The following PRKAA2 variants were observed in gnomAD, a reference collection of about 807,000 sequenced individuals.
The protein encoded by PRKAA2 is 5'-AMP-activated protein kinase catalytic subunit alpha-2.
PRKAA2 carries 40 observed loss-of-function variants against 56.3 expected under a neutral mutation model. That is an observed-to-expected ratio of 0.71 (90% CI 0.55 to 0.92). The LOEUF (loss-of-function observed/expected upper bound fraction) is 0.92. Ranked by LOEUF, PRKAA2 falls within the 40% of genes least tolerant of loss-of-function variation. The pLI is 0.00. For synonymous variants in PRKAA2, 214 were observed against 234.2 expected (o/e 0.91, Z 0.79); for missense variants, 542 against 686.9 (o/e 0.79, Z 2.36).
chr1:56,677,875 C>T (rs1473106371), intron 2 of PRKAA2, among the ~76,000 whole-genome samples: 2 of 152,072 alleles, frequency 1.3e-5, no homozygotes, highest in Non-Finnish European at 2.9e-5. Flanking sequence ...AGGCTGGTCT[C>T]GACCTCCTAA....
At chr1:56,691,372 CT>C in intron 2 of PRKAA2, 21 bp from the exon 3 acceptor site, 2 of 1,577,832 alleles carry the variant, frequency 1.3e-6, no homozygotes, top group Non-Finnish European at 1.7e-6. Flanking sequence ...ACTTTGTTAA[CT>C]TTTTTTAATT....
intron 1 of PRKAA2, among the ~76,000 whole-genome samples, chr1:56,664,112 A>G (rs1316294242): frequency 2.0e-5 from 3 of 152,044 alleles, no homozygotes; most frequent in Non-Finnish European, 4.4e-5. Flanking sequence ...CAAAACAAAA[A>G]ACTCTTCTTG....
At chr1:56,704,612 A>C in intron 7 of PRKAA2, 137 bp downstream of exon 7, 3 of 981,882 alleles carry the variant, frequency 3.1e-6, no homozygotes, top group Non-Finnish European at 4.3e-6. Flanking sequence ...AAAACAAATA[A>C]CCTCTATAAG....
Position 56,710,360 on chromosome 1 carries a change from A to C in PRKAA2, c.*2647A>C, listed in dbSNP as rs2100444795. 6.6e-6 allele frequency: 1 copy of C among 152,252 alleles called. No individual in the cohort carries two copies. Among genetic ancestry groups the C allele is most frequent in the African/African-American group, 2.4e-5 (1 of 41,572 alleles). The allele number at this position is 152,252 out of a possible 1,614,324, so 9.4% of individuals were successfully genotyped here. On this transcript the variant is annotated 3_prime_UTR_variant, in exon 9 of 9. Transcript: ENST00000371244. ...TGTTGCATGCTACTCTTCCCCTCGA[A>C]GATGACAGTGGATGTCAGCATTAAA... is the stretch of plus-strand genomic sequence containing the variant.
intron 1 of PRKAA2, among the ~76,000 whole-genome samples, chr1:56,666,268 C>T (rs1464907823): frequency 6.6e-6 from 1 of 152,138 alleles, no homozygotes; most frequent in Non-Finnish European, 1.5e-5. Context: ...AAATGAGACA[C>T]AGACCCTGTT....
chr1:56,684,283 G>C (rs1644175745), intron 2 of PRKAA2, among the ~76,000 whole-genome samples: 1 of 152,042 alleles, frequency 6.6e-6, no homozygotes, highest in African/African-American at 2.4e-5. Flanking sequence ...TTGGTTTTAT[G>C]AAGTTGAAAT....
rs147618002 is a variant in PRKAA2, at chr1:56,673,059, A to G, written c.95-1322A>G. On this transcript the variant is annotated intron_variant, in intron 1 of 8. Coordinates refer to ENST00000371244, the MANE Select transcript of PRKAA2 (RefSeq NM_006252.4). The stretch of plus-strand genomic sequence containing the variant: ...GTTGACGAGACTGGCTTTGAATAGG[A>G]GGAGGGATGTGGACAGAAGTAAGCC... 3.9e-3 allele frequency among the ~76,000 whole-genome samples: 594 copies of G among 152,210 alleles called. 2 individuals are homozygous for G. The highest frequency in any genetic ancestry group is 0.034 in the Middle Eastern group (10 of 294).
intron 2 of PRKAA2, among the ~76,000 whole-genome samples, chr1:56,678,736 C>A (rs559909391): frequency 6.7e-6 from 1 of 149,554 alleles, no homozygotes; most frequent in Non-Finnish European, 1.5e-5. Context: ...CGCTCTGTTG[C>A]CCAGGCTGGA....
At chr1:56,646,723 T>C (rs1457681749) in intron 1 of PRKAA2, among the ~76,000 whole-genome samples, 1 of 152,188 alleles carries the variant, frequency 6.6e-6, no homozygotes, top group African/African-American at 2.4e-5. Flanking sequence ...CCTTGTAAAA[T>C]TCATATTTTA....
chr1:56,657,703 C>T (rs963316794), intron 1 of PRKAA2, among the ~76,000 whole-genome samples: 3 of 151,102 alleles, frequency 2.0e-5, no homozygotes, highest in African/African-American at 7.3e-5. Flanking sequence ...AAATAAAACT[C>T]CAGCCTGGGT....
rs772351857 is a variant in PRKAA2 at position 56,707,687 on chromosome 1, A to G, written c.1633A>G (p.Ser545Gly). ...CATGGATTTTTTTGAAATGTGTGCC[A>G]GTCTGATTACTACTTTAGCCCGTTG... is the stretch of plus-strand genomic sequence containing the variant. ...HTMDFFEMCA[S>G]LITTLAR is the part of the protein sequence containing the mutation. The change falls in exon 9 of 9, where the codon AGT (serine) becomes GGT (glycine). Residue 545 changes from serine to glycine, a missense_variant. This residue lies in a region of PRKAA2 where 158 missense variants were observed against 166.1 expected (regional missense o/e 0.95). Transcript: ENST00000371244. 1 of 1,606,266 alleles carries G rather than the reference A, an allele frequency of 6.2e-7. No individual in the cohort carries two copies. The highest frequency in any genetic ancestry group is 8.5e-7 in the Non-Finnish European group (1 of 1,172,842).
intron 1 of PRKAA2, among the ~76,000 whole-genome samples, chr1:56,670,388 C>T (rs1177445822): frequency 1.3e-5 from 2 of 152,140 alleles, no homozygotes; most frequent in South Asian, 2.1e-4. Context: ...TTTCCTGTTG[C>T]TCTCCCCTTC....
At chr1:56,693,396 G>A (rs1015186780) in intron 4 of PRKAA2, among the ~76,000 whole-genome samples, 3 of 151,868 alleles carry the variant, frequency 2.0e-5, no homozygotes, top group Admixed American at 2.0e-4. Context: ...TGAAAGCACA[G>A]GGCAAAAAAG....
intron 2 of PRKAA2, among the ~76,000 whole-genome samples, chr1:56,690,383 A>T (rs2100422469): frequency 6.6e-6 from 1 of 152,180 alleles, no homozygotes. Flanking sequence ...TTTAGCCAGG[A>T]TGGTCTCAAT....
At position 56,713,263 on chromosome 1, in the gene PRKAA2, G is replaced by A. The variant is rs1474362294; in HGVS notation, c.*5550G>A. 6.6e-6 allele frequency: 1 copy of A among 152,168 alleles called. No individual in the cohort carries two copies. The highest frequency in any genetic ancestry group is 2.4e-5 in the African/African-American group (1 of 41,452). The allele number at this position is 152,168 out of a possible 1,614,324, so 9.4% of individuals were successfully genotyped here. A position where few individuals can be genotyped will look rare whatever the true frequency, so the allele number is the denominator to read the frequency against. On this transcript the variant is annotated 3_prime_UTR_variant, in exon 9 of 9. Transcript: ENST00000371244. ...AATTAAACTTCTTCATCCATAGCCT[G>A]ATAAGAATCAGGCTGGGTCTAGAAG...
intron 6 of PRKAA2, among the ~76,000 whole-genome samples, chr1:56,700,782 A>T (rs1336393171): frequency 1.3e-5 from 2 of 152,018 alleles, no homozygotes; most frequent in East Asian, 3.9e-4. Flanking sequence ...TCATGGTAAG[A>T]TTTTTGGGGA....
At chr1:56,684,441 G>T (rs1177859226) in intron 2 of PRKAA2, among the ~76,000 whole-genome samples, 1 of 152,030 alleles carries the variant, frequency 6.6e-6, no homozygotes, top group Admixed American at 6.6e-5. Context: ...AAGACTGGAT[G>T]AAATCACCAA....
intron 1 of PRKAA2, among the ~76,000 whole-genome samples, chr1:56,670,155 A>C (rs751560146): frequency 6.6e-6 from 1 of 152,208 alleles, no homozygotes; most frequent in South Asian, 2.1e-4. Context: ...CCATCAACTC[A>C]TATATGGTTA....
At chr1:56,652,253 C>T (rs955330235) in intron 1 of PRKAA2, among the ~76,000 whole-genome samples, 12 of 152,020 alleles carry the variant, frequency 7.9e-5, no homozygotes, top group Non-Finnish European at 1.3e-4. Flanking sequence ...CCTCGTAATA[C>T]GCCCGCCTCA....
Sources: gnomAD v4.1 joint callset for allele counts (sites outside exome capture counted in the v4.1 genomes callset) on GRCh38, gnomAD v4.1.1 for gene constraint, gnomAD v4.1.1 regional missense constraint, MANE v1.5 for transcripts, NCBI Gene and HGNC (gene_info 2026-07-23, HGNC 2026-07-21) for gene names.